AGRN: variants seen among roughly 807,000 people sequenced by gnomAD.
The protein encoded by AGRN is agrin.
A neutral mutation model predicts 211.0 loss-of-function variants in AGRN; 106 were observed. The observed-to-expected ratio is 0.50, with a 90% CI of 0.43 to 0.59. The LOEUF (loss-of-function observed/expected upper bound fraction) is 0.59, where lower values mean the gene tolerates loss of function less well. Among genes scored for constraint, AGRN ranks in the 20% least tolerant of loss-of-function variants. AGRN has a pLI of 0.00. For synonymous variants in AGRN, 1,525 were observed against 1,332.5 expected, an observed-to-expected ratio of 1.14 and a Z score of -3.15; for missense variants, 3,040 against 2,982.6, an observed-to-expected ratio of 1.02 and a Z score of -0.45.
chr1:1,028,320 G>GCCCCCCCCCC lies in AGRN; in HGVS notation c.463+5865_463+5874dup, dbSNP rs77046272. ...GCCGTTCTCTCTCCCGTGGGGAAACGCCCCCCCCCCCCCCCCGCCCTGCAC... is the reference window on the plus strand; with the variant it reads ...GCCGTTCTCTCTCCCGTGGGGAAACGCCCCCCCCCCCCCCCCCCCCCCCCCCGCCCTGCAC... On this transcript the variant is annotated intron_variant, in intron 2 of 35. Transcript: ENST00000379370. Among the ~76,000 whole-genome samples the GCCCCCCCCCC allele has an allele frequency of 1.2e-3, 127 of 105,102 alleles. 3 individuals carry two copies. The highest frequency in any genetic ancestry group is 4.8e-3 in the African/African-American group (119 of 24,564). The allele number at this position is 105,102 out of a possible 152,430, so 69.0% of individuals were successfully genotyped here. A position where few individuals can be genotyped will look rare whatever the true frequency, so the allele number is the denominator to read the frequency against.
intron 2 of AGRN, chr1:1,035,020 C>G (rs1162466704): frequency 1.2e-5 from 7 of 591,936 alleles, no homozygotes; most frequent in Non-Finnish European, 1.8e-5. Context: ...TGCCTGCACC[C>G]CTGTGGCTGG....
chr1:1,033,743 C>T (rs1232602953), intron 2 of AGRN, among the ~76,000 whole-genome samples: 1 of 140,530 alleles, frequency 7.1e-6, no homozygotes, highest in Non-Finnish European at 1.6e-5. Flanking sequence ...CCACCCTCGG[C>T]CCCAGCCTCA....
intron 7 of AGRN, among the ~76,000 whole-genome samples, chr1:1,042,506 C>T (rs1644971671): frequency 6.6e-6 from 1 of 152,164 alleles, no homozygotes; most frequent in Non-Finnish European, 1.5e-5. Context: ...ACTCTTGGGA[C>T]ATGGGCAGCC....
Position 1,049,259 on chromosome 1 carries a change from C to A in AGRN, c.4322C>A (p.Ala1441Glu). The change falls in exon 25 of 36, where the codon GCG (alanine) becomes GAG (glutamate). Residue 1441 changes from alanine (A) to glutamate (E), a missense_variant. Coordinates refer to ENST00000379370, the MANE Select transcript of AGRN (RefSeq NM_198576.4). ...QLRFDTGSGP[A>E]VLTSAVPVEP... ...AGGTTTGACACAGGTTCGGGGCCGGCGGTGCTGACCAGTGCCGTGCCGGTA... is the reference window on the plus strand; with the variant it reads ...AGGTTTGACACAGGTTCGGGGCCGGAGGTGCTGACCAGTGCCGTGCCGGTA... The A allele has an allele frequency of 6.3e-7, 1 of 1,589,310 alleles. No individual in the cohort carries two copies. The highest frequency in any genetic ancestry group is 1.1e-5 in the South Asian group (1 of 89,448).
chr1:1,030,699 T>C (rs150628606), intron 2 of AGRN, among the ~76,000 whole-genome samples: 556 of 5,726 alleles, frequency 0.097, 130 homozygotes, highest in East Asian at 0.73. Context: ...GTGTGTGCAG[T>C]GCATGGTGCT....
chr1:1,022,531 G>A (rs1644429607), intron 2 of AGRN, 69 bp downstream of exon 2: 3 of 1,529,916 alleles, frequency 2.0e-6, no homozygotes, highest in South Asian at 1.2e-5. Context: ...ACAGGTTGCA[G>A]GGGTCGCTGT....
Position 1,048,179 on chromosome 1 carries a change from A to G in AGRN, c.3919A>G (p.Thr1307Ala). The change falls in exon 23 of 36, where the codon ACA (threonine) becomes GCA (alanine). Residue 1307 changes from threonine (T) to alanine (A), a missense_variant. Physicochemically the swap from Thr to Ala is moderately conservative, Grantham distance 58. Transcript: ENST00000379370. The surrounding 1 kb of genome is among the most constrained non-coding windows in gnomAD (Gnocchi z 5.9). The stretch of plus-strand genomic sequence containing the variant: ...TGCCAAGACCACGGCAGCCCCCACC[A>G]CACGTCGGCCCCCCACCACTGCCCC... ...PVAKTTAAPT[T>A]RRPPTTAPSR... The G allele has an allele frequency of 6.4e-7, 1 of 1,572,576 alleles. No individual in the cohort carries two copies. Among genetic ancestry groups the G allele is most frequent in the South Asian group, 1.2e-5 (1 of 86,774 alleles).
intron 25 of AGRN, 32 bp downstream of exon 25, chr1:1,049,483 C>T (rs200600007): frequency 2.5e-6 from 4 of 1,600,256 alleles, no homozygotes; most frequent in Non-Finnish European, 2.5e-6. Context: ...GTGGCCCCGA[C>T]CCCGGCCCTT....
chr1:1,053,385 CCA>C (rs1404875040), intron 33 of AGRN: 2 of 1,252,406 alleles, frequency 1.6e-6, no homozygotes, highest in East Asian at 9.3e-5. Flanking sequence ...TCCTTGCACC[CCA>C]CAGTGTTGAG....
In AGRN at chr1:1,049,911, T is replaced by C. The variant is rs1430040198; in HGVS notation, c.4753T>C (p.Cys1585Arg). The C allele has an allele frequency of 2.5e-6, 4 of 1,609,124 alleles. No homozygotes were observed. The African/African-American group carries it at 5.4e-5, about 22-fold the overall frequency. ...QCPPGRVGPT[C>R]ADEKSPCQPN... ...CGTCTTCCTCCATCCAGGACCAACC[T>C]GTGCCGATGAGAAGAGCCCCTGCCA... The change falls in exon 27 of 36, where the codon TGT becomes CGT. Residue 1585 changes from cysteine to arginine, a missense_variant. Physicochemically the swap from Cys to Arg is radical, Grantham distance 180. Transcript: ENST00000379370.
rs1449885365 is a variant in AGRN, at chr1:1,050,705, C to T, written c.5142-21C>T. On this transcript the variant is annotated intron_variant, in intron 29 of 35. Coordinates refer to ENST00000379370, the MANE Select transcript of AGRN (RefSeq NM_198576.4). ...TGGCCGGTGGTGGACAGAGCCCACT[C>T]ACGCTGCCCCTCCTCACCAGGAGCA... is the stretch of plus-strand genomic sequence containing the variant. 6.9e-6 allele frequency: 11 copies of T among 1,599,816 alleles called. No individual in the cohort carries two copies. The South Asian group carries it at 1.0e-4, about 15-fold the overall frequency.
chr1:1,040,237 C>T (rs1644894861), intron 3 of AGRN, among the ~76,000 whole-genome samples: 1 of 152,184 alleles, frequency 6.6e-6, no homozygotes, highest in Admixed American at 6.5e-5. Context: ...GCTCCGGTGC[C>T]GATGTGGAAG....
At position 1,041,579 on chromosome 1, in the gene AGRN, C is replaced by G. The variant is rs149868381; in HGVS notation, c.1054C>G (p.Arg352Gly). ...MLLRPESCPARQAPVCGDDGV... is the reference protein window; with the variant it reads ...MLLRPESCPAGQAPVCGDDGV... The stretch of plus-strand genomic sequence containing the variant: ...CCTACGGCCCGAGAGCTGCCCTGCC[C>G]GGCAGGCGCCAGTGTGTGGGGACGA... The change falls in exon 6 of 36, where the codon CGG (arginine) becomes GGG (glycine). Residue 352 changes from arginine (R) to glycine (G), a missense_variant. Arg to Gly is a moderately radical substitution (Grantham distance 125). This residue lies in a region of AGRN where 1,498 missense variants were observed against 1,457.8 expected (regional missense o/e 1.03). Coordinates refer to ENST00000379370, the MANE Select transcript of AGRN (RefSeq NM_198576.4). 1 of 1,610,496 alleles carries G rather than the reference C, an allele frequency of 6.2e-7. No individual in the cohort carries two copies. The highest frequency in any genetic ancestry group is 1.1e-5 in the South Asian group (1 of 91,028).
At chr1:1,035,196 C>T in intron 2 of AGRN, 81 bp from the exon 3 acceptor site, 1 of 1,527,916 alleles carries the variant, frequency 6.5e-7, no homozygotes, top group Non-Finnish European at 9.1e-7. Flanking sequence ...GCAGGGGTGC[C>T]CCTTTCCAGG....
At position 1,048,721 on chromosome 1, in the gene AGRN, C is replaced by A. The variant is rs1033561039; in HGVS notation, c.4106-146C>A. ...GGCGGAGGTTGCGGTGAGCCAGGAT[C>A]GCGCCACTGCACTCCAGCCGGGGCA... On this transcript the variant is annotated intron_variant, in intron 23 of 35. Transcript: ENST00000379370. The surrounding 1 kb of genome is among the most constrained non-coding windows in gnomAD (Gnocchi z 5.9). The A allele has an allele frequency of 3.4e-5, 33 of 962,286 alleles. No homozygotes were observed. Among genetic ancestry groups the A allele is most frequent in the Non-Finnish European group, 4.8e-5 (32 of 672,232 alleles). The allele number at this position is 962,286 out of a possible 1,614,324, so 59.6% of individuals were successfully genotyped here.
chr1:1,044,281 C>T (rs376624775), intron 11 of AGRN, 24 bp downstream of exon 11: 31 of 1,612,222 alleles, frequency 1.9e-5, no homozygotes, highest in Admixed American at 8.3e-5. Context: ...CCCTGGCTCT[C>T]GGCGGGCGGC....
rs1288755936 is a variant in AGRN at position 1,048,853 on chromosome 1, G to A, written c.4106-14G>A. ...GGAGCTTTTCCAGCCGGCCCTCCCG[G>A]TCGCCCTTTGCAGTGCTTGGCGCCC... On this transcript the variant is annotated splice_polypyrimidine_tract_variant and intron_variant, in intron 23 of 35. Transcript: ENST00000379370. This position sits in a 1 kb window ranked among gnomAD's most constrained non-coding sequence, Gnocchi z 5.9. The A allele has an allele frequency of 6.5e-7, 1 of 1,528,024 alleles. No homozygotes were observed. Among genetic ancestry groups the A allele is most frequent in the Non-Finnish European group, 8.8e-7 (1 of 1,138,384 alleles). The allele number at this position is 1,528,024 out of a possible 1,614,324, so 94.7% of individuals were successfully genotyped here.
intron 1 of AGRN, among the ~76,000 whole-genome samples, chr1:1,021,413 G>A (rs1050565342): frequency 5.9e-5 from 9 of 152,350 alleles, no homozygotes; most frequent in East Asian, 1.9e-4. Context: ...GGGTCCCTGC[G>A]GATGCCGCAG....
At chr1:1,034,859 T>A in intron 2 of AGRN, 1 of 394,234 alleles carries the variant, frequency 2.5e-6, no homozygotes, top group Non-Finnish European at 3.9e-6. Context: ...CTGGAGGCCG[T>A]CCTTGGGCTC....
Sources: allele counts gnomAD v4.1 joint callset (sites outside exome capture counted in the v4.1 genomes callset), GRCh38; gene constraint gnomAD v4.1.1; regional missense constraint gnomAD v4.1.1; non-coding constraint Gnocchi (gnomAD v3.1); transcripts MANE v1.5; gene names NCBI Gene and HGNC (gene_info 2026-07-23, HGNC 2026-07-21).